The following TRAPPC3L variants were observed in gnomAD, a reference collection of about 807,000 sequenced individuals.
TRAPPC3L encodes trafficking protein particle complex subunit 3L.
Under a neutral mutation model 23.7 loss-of-function variants are expected in TRAPPC3L, and 23 were observed. The ratio of observed to expected loss-of-function variants is 0.97; its 90% CI spans 0.70 to 1.37. The LOEUF (loss-of-function observed/expected upper bound fraction) is 1.37, where lower values mean the gene tolerates loss of function less well. Ranked by LOEUF, TRAPPC3L falls within the 40% of genes most tolerant of loss-of-function variation. The pLI, the probability that TRAPPC3L is intolerant of heterozygous loss-of-function variation, is 0.00. For missense variants in TRAPPC3L, 212 were observed against 216.8 expected (o/e 0.98, Z 0.14); for synonymous variants, 81 against 77.9 (o/e 1.04, Z -0.21).
At chr6:116,532,455 A>C (rs956842019) in intron 3 of TRAPPC3L, among the ~76,000 whole-genome samples, 1 of 152,214 alleles carries the variant, frequency 6.6e-6, no homozygotes, top group Non-Finnish European at 1.5e-5. Context: ...AAATGTCAAC[A>C]GGTGTGGATT....
intron 3 of TRAPPC3L, among the ~76,000 whole-genome samples, chr6:116,504,575 AC>A (rs1424255502): frequency 1.3e-5 from 2 of 152,200 alleles, no homozygotes; most frequent in Non-Finnish European, 2.9e-5. Context: ...CAGAGACACA[AC>A]AAAAAAGAGA....
chr6:116,510,169 A>G (rs1772085181), intron 3 of TRAPPC3L, among the ~76,000 whole-genome samples: 1 of 152,220 alleles, frequency 6.6e-6, no homozygotes, highest in African/African-American at 2.4e-5. Context: ...TAAAAAGGCA[A>G]TAACAATAGA....
At chr6:116,513,096 G>A (rs1772156540) in intron 3 of TRAPPC3L, among the ~76,000 whole-genome samples, 1 of 152,162 alleles carries the variant, frequency 6.6e-6, no homozygotes, top group Admixed American at 6.5e-5. Context: ...AGCAAAACAA[G>A]TGGTAAGAGT....
chr6:116,511,550 AAGGAATG>A (rs1217288335), intron 3 of TRAPPC3L: 1 of 707,544 alleles, frequency 1.4e-6, no homozygotes, highest in Non-Finnish European at 2.3e-6. Flanking sequence ...ATTCATTCCT[AAGGAATG>A]ACATTGTTTC....
intron 3 of TRAPPC3L, chr6:116,516,429 C>T (rs183046084): frequency 1.5e-3 from 234 of 153,060 alleles, no homozygotes; most frequent in Non-Finnish European, 2.1e-3. Context: ...TACAAATCTA[C>T]ACTTTTAAGG....
intron 3 of TRAPPC3L, chr6:116,511,906 C>T (rs1247969256): frequency 1.2e-6 from 2 of 1,613,888 alleles, no homozygotes; most frequent in Non-Finnish European, 1.7e-6. Context: ...TCTTTCTGAA[C>T]AATAGGTCGT....
chr6:116,498,486 A>G (rs573045595), intron 4 of TRAPPC3L, among the ~76,000 whole-genome samples: 20 of 152,350 alleles, frequency 1.3e-4, no homozygotes, highest in African/African-American at 4.6e-4. Flanking sequence ...ATGCCTCATT[A>G]TTAGGTAGCT....
At chr6:116,501,517 C>A (rs1771915104) in intron 3 of TRAPPC3L, among the ~76,000 whole-genome samples, 1 of 152,242 alleles carries the variant, frequency 6.6e-6, no homozygotes, top group African/African-American at 2.4e-5. Flanking sequence ...AGCAGTGGTT[C>A]TTCCAGCATG....
chr6:116,501,611 G>A (rs185549181), intron 3 of TRAPPC3L, among the ~76,000 whole-genome samples: 8 of 152,288 alleles, frequency 5.3e-5, no homozygotes, highest in Admixed American at 2.0e-4. Context: ...ACATCTCCCC[G>A]TGGGAGCTGA....
chr6:116,521,802 ATGT>A (rs1361302896), intron 3 of TRAPPC3L: 1 of 152,246 alleles, frequency 6.6e-6, no homozygotes, highest in Admixed American at 6.5e-5. Context: ...CTTCTGGCAG[ATGT>A]AGTCGTGTTA....
At chr6:116,532,363 G>C (rs569849216) in intron 3 of TRAPPC3L, among the ~76,000 whole-genome samples, 1 of 152,164 alleles carries the variant, frequency 6.6e-6, no homozygotes, top group Non-Finnish European at 1.5e-5. Flanking sequence ...TTGCCTCCCT[G>C]AGAGAGGGAA....
chr6:116,504,387 T>G (rs1355382361), intron 3 of TRAPPC3L, among the ~76,000 whole-genome samples: 1 of 152,084 alleles, frequency 6.6e-6, no homozygotes, highest in Non-Finnish European at 1.5e-5. Flanking sequence ...AGGCAATAAT[T>G]AATAGCCTAC....
At chr6:116,499,057 C>T (rs1425999161) in intron 4 of TRAPPC3L, among the ~76,000 whole-genome samples, 1 of 152,200 alleles carries the variant, frequency 6.6e-6, no homozygotes, top group Non-Finnish European at 1.5e-5. Context: ...ACCTCAACTC[C>T]AGCAGGCTCA....
intron 1 of TRAPPC3L, among the ~76,000 whole-genome samples, chr6:116,544,255 T>A (rs1283399881): frequency 6.6e-6 from 1 of 151,436 alleles, no homozygotes; most frequent in East Asian, 2.0e-4. Context: ...AATCATACCC[T>A]ACCTACATGC....
chr6:116,519,336 G>T (rs1031955540), intron 3 of TRAPPC3L: 1 of 55,494 alleles, frequency 1.8e-5, no homozygotes, highest in African/African-American at 3.8e-5. Flanking sequence ...TTGACCTATG[G>T]GGGGGCTCTG....
chr6:116,534,493 T>A (rs1269974916), intron 3 of TRAPPC3L, among the ~76,000 whole-genome samples: 1 of 152,192 alleles, frequency 6.6e-6, no homozygotes, highest in Non-Finnish European at 1.5e-5. Context: ...TTGCTGAAAT[T>A]TTTCTGTGTA....
chr6:116,507,939 A>G (rs1048534495), intron 3 of TRAPPC3L, among the ~76,000 whole-genome samples: 2 of 152,212 alleles, frequency 1.3e-5, no homozygotes, highest in African/African-American at 4.8e-5. Flanking sequence ...CACTGCCAAG[A>G]CCATGCTATA....
At chr6:116,528,385 G>A (rs1000057975) in intron 3 of TRAPPC3L, among the ~76,000 whole-genome samples, 4 of 152,098 alleles carry the variant, frequency 2.6e-5, no homozygotes, top group Admixed American at 2.0e-4. Flanking sequence ...CCCTCCCAGA[G>A]GTACAAAGCG....
intron 3 of TRAPPC3L, among the ~76,000 whole-genome samples, chr6:116,525,118 G>A (rs1407266196): frequency 1.3e-5 from 2 of 152,186 alleles, no homozygotes; most frequent in African/African-American, 4.8e-5. Flanking sequence ...ATTCTTGAGT[G>A]TTCATATAAC....
Sources: allele counts gnomAD v4.1 joint callset (sites outside exome capture counted in the v4.1 genomes callset), GRCh38; gene constraint gnomAD v4.1.1; transcripts MANE v1.5; gene names NCBI Gene and HGNC (gene_info 2026-07-23, HGNC 2026-07-21).